PLPPR5: variants seen among roughly 807,000 people sequenced by gnomAD.
PLPPR5 encodes phospholipid phosphatase-related protein type 5.
Under a neutral mutation model 33.9 loss-of-function variants are expected in PLPPR5, and 16 were observed. That is an observed-to-expected ratio of 0.47 (90% CI 0.32 to 0.72). The LOEUF (loss-of-function observed/expected upper bound fraction) is 0.72, where lower values mean the gene tolerates loss of function less well. Ranked by LOEUF, PLPPR5 falls within the 30% of genes least tolerant of loss-of-function variation. The pLI, the probability that PLPPR5 is intolerant of heterozygous loss-of-function variation, is 0.03. For missense variants in PLPPR5, 301 were observed against 406.7 expected (o/e 0.74, Z 2.23); for synonymous variants, 163 against 150.3 (o/e 1.08, Z -0.62).
intron 1 of PLPPR5, among the ~76,000 whole-genome samples, chr1:98,987,012 T>C (rs1570757586): frequency 6.6e-6 from 1 of 151,984 alleles, no homozygotes; most frequent in Non-Finnish European, 1.5e-5. Context: ...TTTTCCGACA[T>C]CTATATAACT....
chr1:98,923,730 A>G (rs1649655210), intron 3 of PLPPR5, among the ~76,000 whole-genome samples: 1 of 152,160 alleles, frequency 6.6e-6, no homozygotes, highest in Admixed American at 6.5e-5. Flanking sequence ...TGTGTCTAAG[A>G]CTGTGCTTGG....
intron 1 of PLPPR5, among the ~76,000 whole-genome samples, chr1:98,982,397 T>C (rs573841619): frequency 6.6e-6 from 1 of 152,082 alleles, no homozygotes; most frequent in Middle Eastern, 3.2e-3. Flanking sequence ...AATCAGAAGT[T>C]AATAGCCAAT....
rs1650860407 is a variant in PLPPR5 at position 98,953,355 on chromosome 1, T to TG, written c.371-36_371-35insC. On this transcript the variant is annotated intron_variant, in intron 2 of 5. Coordinates refer to ENST00000263177, the MANE Select transcript of PLPPR5 (RefSeq NM_001037317.2). ...AAAACAAATAATTTTAACTTCTTGC[T>TG]TGTGTGTGTGTGTGTGTGTGTGTGT... is the stretch of plus-strand genomic sequence containing the variant. 8 of 1,378,772 alleles carry TG rather than the reference T, an allele frequency of 5.8e-6. No individual in the cohort carries two copies. The African/African-American group carries it at 1.2e-4, about 20-fold the overall frequency. The allele number at this position is 1,378,772 out of a possible 1,614,324, so 85.4% of individuals were successfully genotyped here. A position where few individuals can be genotyped will look rare whatever the true frequency, so the allele number is the denominator to read the frequency against.
chr1:98,950,462 T>C (rs973025328), intron 3 of PLPPR5, among the ~76,000 whole-genome samples: 1 of 152,192 alleles, frequency 6.6e-6, no homozygotes, highest in Non-Finnish European at 1.5e-5. Flanking sequence ...ATTCAGAAGT[T>C]TATAAAACAA....
chr1:98,922,476 G>C (rs990757345), intron 3 of PLPPR5, among the ~76,000 whole-genome samples: 2 of 152,042 alleles, frequency 1.3e-5, no homozygotes, highest in Non-Finnish European at 1.5e-5. Flanking sequence ...GTTTCCATTT[G>C]TGTATGCCAT....
Position 98,956,759 on chromosome 1 carries a change from G to C in PLPPR5, c.238-18C>G. On this transcript the variant is annotated intron_variant, in intron 1 of 5. Transcript: ENST00000263177. ...ACTATTATCTTGAAAGAAAATAAAA[G>C]ATTAAGGAATATTAGAATTTAACCA... 2 of 1,522,976 alleles carry C rather than the reference G, an allele frequency of 1.3e-6. No homozygotes were observed. The highest frequency in any genetic ancestry group is 1.8e-6 in the Non-Finnish European group (2 of 1,134,830). The allele number at this position is 1,522,976 out of a possible 1,614,324, so 94.3% of individuals were successfully genotyped here.
chr1:98,925,156 T>C (rs1168345418), intron 3 of PLPPR5, among the ~76,000 whole-genome samples: 1 of 152,258 alleles, frequency 6.6e-6, no homozygotes, highest in Non-Finnish European at 1.5e-5. Context: ...AATAATCTAT[T>C]AAGCATGTTG....
intron 3 of PLPPR5, among the ~76,000 whole-genome samples, chr1:98,947,937 G>A (rs997712018): frequency 9.2e-5 from 14 of 152,200 alleles, no homozygotes; most frequent in East Asian, 3.8e-4. Flanking sequence ...GACCTTATAC[G>A]TTTCAGCATT....
intron 4 of PLPPR5, among the ~76,000 whole-genome samples, chr1:98,915,883 T>C (rs1045379493): frequency 2.6e-5 from 4 of 152,210 alleles, no homozygotes; most frequent in African/African-American, 9.6e-5. Flanking sequence ...AGGAAGATTA[T>C]TTGCTACTGT....
At chr1:98,979,706 G>A (rs1051364468) in intron 1 of PLPPR5, among the ~76,000 whole-genome samples, 2 of 151,926 alleles carry the variant, frequency 1.3e-5, no homozygotes, top group African/African-American at 2.4e-5. Context: ...TCTGATGTGG[G>A]GCTGCCAAGC....
intron 5 of PLPPR5, among the ~76,000 whole-genome samples, chr1:98,905,439 T>C (rs1648858907): frequency 6.6e-6 from 1 of 152,186 alleles, no homozygotes; most frequent in Admixed American, 6.5e-5. Context: ...TAAATCATTT[T>C]AAACTACTCT....
At chr1:98,954,821 C>G (rs1404250552) in intron 2 of PLPPR5, among the ~76,000 whole-genome samples, 1 of 152,092 alleles carries the variant, frequency 6.6e-6, no homozygotes, top group Middle Eastern at 3.2e-3. Flanking sequence ...CCTGGCCAAG[C>G]ATGGGAACCT....
At chr1:98,918,005 G>A (rs371026424) in intron 4 of PLPPR5, among the ~76,000 whole-genome samples, 5 of 152,200 alleles carry the variant, frequency 3.3e-5, no homozygotes, top group African/African-American at 1.2e-4. Flanking sequence ...AGTGACTTCC[G>A]CATGTATAAT....
intron 1 of PLPPR5, among the ~76,000 whole-genome samples, chr1:98,995,350 C>T (rs1343305769): frequency 2.6e-5 from 4 of 152,054 alleles, no homozygotes; most frequent in African/African-American, 9.7e-5. Flanking sequence ...CAAAAAACTA[C>T]CTATGGGATA....
At chr1:98,950,562 C>A (rs561126888) in intron 3 of PLPPR5, among the ~76,000 whole-genome samples, 2 of 152,240 alleles carry the variant, frequency 1.3e-5, no homozygotes, top group Non-Finnish European at 2.9e-5. Flanking sequence ...TGTAGCAATG[C>A]CTTTGAAACA....
At chr1:98,993,331 T>A (rs1276904260) in intron 1 of PLPPR5, among the ~76,000 whole-genome samples, 2 of 152,060 alleles carry the variant, frequency 1.3e-5, no homozygotes, top group African/African-American at 4.8e-5. Flanking sequence ...AAGAGCCTGA[T>A]AGTGTGGCTT....
Position 98,946,787 on chromosome 1 carries a change from C to T in PLPPR5, c.621+6283G>A, listed in dbSNP as rs986113116. Among the ~76,000 whole-genome samples the T allele has an allele frequency of 2.0e-5, 3 of 152,124 alleles. No homozygotes were observed. In the South Asian group the frequency reaches 6.2e-4, roughly 32 times the overall value. On this transcript the variant is annotated intron_variant, in intron 3 of 5. Transcript: ENST00000263177. The stretch of plus-strand genomic sequence containing the variant: ...ATCCAGCATTACAGTAAGCACAGTA[C>T]CTAGGGCCCATGACACTTTGAAGGA...
At position 98,977,664 on chromosome 1, in the gene PLPPR5, G is replaced by A. The variant is rs1046484378; in HGVS notation, c.238-20923C>T. On this transcript the variant is annotated intron_variant, in intron 1 of 5. Coordinates refer to ENST00000263177, the MANE Select transcript of PLPPR5 (RefSeq NM_001037317.2). ...TGAACCTTATCTGGTTCCTCATGCTGACATTTGAACATACCTTCTTCCTGG... is the reference window on the plus strand; with the variant it reads ...TGAACCTTATCTGGTTCCTCATGCTAACATTTGAACATACCTTCTTCCTGG... Among the ~76,000 whole-genome samples, 14 of 151,122 alleles carry A rather than the reference G, an allele frequency of 9.3e-5. No individual in the cohort carries two copies. The East Asian group carries it at 1.4e-3, about 15-fold the overall frequency.
In PLPPR5 at chr1:98,966,934, G is replaced by A. The variant is rs150725803; in HGVS notation, c.238-10193C>T. Among the ~76,000 whole-genome samples the A allele has an allele frequency of 1.4e-3, 220 of 152,138 alleles. 4 individuals are homozygous for A. The highest frequency in any genetic ancestry group is 5.0e-3 in the African/African-American group (207 of 41,512). Reference sequence around the variant, plus strand: ...GAACTTGACAGAAATGCACATTCTCGGGCCCCACCCCTACTGACTCAAGAA... The same window carrying A: ...GAACTTGACAGAAATGCACATTCTCAGGCCCCACCCCTACTGACTCAAGAA... On this transcript the variant is annotated intron_variant, in intron 1 of 5. Transcript: ENST00000263177.
Sources: gnomAD v4.1 joint callset for allele counts (sites outside exome capture counted in the v4.1 genomes callset) on GRCh38, gnomAD v4.1.1 for gene constraint, MANE v1.5 for transcripts, NCBI Gene and HGNC (gene_info 2026-07-23, HGNC 2026-07-21) for gene names.